The following TLE2 variants were observed in gnomAD, a reference collection of about 807,000 sequenced individuals.
TLE2 encodes TLE family member 2, transcriptional corepressor.
In TLE2, 74 loss-of-function variants were observed where a neutral mutation model predicts 97.2. The ratio of observed to expected loss-of-function variants is 0.76; its 90% CI spans 0.63 to 0.92. TLE2 has a LOEUF of 0.92. Ranked by LOEUF, TLE2 falls within the 40% of genes least tolerant of loss-of-function variation. The pLI, the probability that TLE2 is intolerant of heterozygous loss-of-function variation, is 0.00. For synonymous variants in TLE2, 499 were observed against 432.1 expected (o/e 1.15, Z -1.92); for missense variants, 1,038 against 1,008.7 (o/e 1.03, Z -0.39).
intron 3 of TLE2, 86 bp downstream of exon 3, chr19:3,028,233 G>A: frequency 7.4e-7 from 1 of 1,344,454 alleles, no homozygotes; most frequent in South Asian, 1.2e-5. Flanking sequence ...GAGGTTCGGA[G>A]TGGGGCAGGG....
chr19:3,008,575 C>G (rs1015644506), intron 14 of TLE2, among the ~76,000 whole-genome samples: 4 of 152,184 alleles, frequency 2.6e-5, no homozygotes, highest in Non-Finnish European at 5.9e-5. Context: ...CTCAGCCTCC[C>G]GAGTAGCTGG....
Position 3,013,764 on chromosome 19 carries a change from T to G in TLE2, c.778A>C (p.Ile260Leu). 6.4e-7 allele frequency: 1 copy of G among 1,561,950 alleles called. No homozygotes were observed. Among genetic ancestry groups the G allele is most frequent in the East Asian group, 2.5e-5 (1 of 39,226 alleles). ...AGGTCCCGACGGGCAGGAATGCAGA[T>G]GGGTACCTTTCCGCAGGGGGTGGTA... Reference protein sequence around the residue: ...PATTPCGKVPICIPARRDLVD... With the variant: ...PATTPCGKVPLCIPARRDLVD... Residue 260 changes from isoleucine (I) to leucine (L), a missense_variant, in exon 11 of 20, where the codon ATC (isoleucine) becomes CTC (leucine). Coordinates refer to ENST00000262953, the MANE Select transcript of TLE2 (RefSeq NM_003260.5).
Position 3,002,246 on chromosome 19 carries a change from A to G in TLE2, c.2047+107T>C, listed in dbSNP as rs542892005. 45 of 1,328,968 alleles carry G rather than the reference A, an allele frequency of 3.4e-5. No individual in the cohort carries two copies. In the African/African-American group the frequency reaches 6.1e-4, roughly 18 times the overall value. The allele number at this position is 1,328,968 out of a possible 1,614,324, so 82.3% of individuals were successfully genotyped here. A position where few individuals can be genotyped will look rare whatever the true frequency, so the allele number is the denominator to read the frequency against. On this transcript the variant is annotated intron_variant, in intron 18 of 19. Coordinates refer to ENST00000262953, the MANE Select transcript of TLE2 (RefSeq NM_003260.5). The stretch of plus-strand genomic sequence containing the variant: ...ATTTGCTTTTGAGTATATAAAACTT[A>G]GTATATAAATAACATTATTTGTTAT...
At chr19:2,998,243 GT>G (rs377111918) in intron 19 of TLE2, among the ~76,000 whole-genome samples, 3 of 77,576 alleles carry the variant, frequency 3.9e-5, no homozygotes, top group Admixed American at 1.5e-4. Flanking sequence ...GCCAATGTGT[GT>G]GTGTGTGTGT....
intron 5 of TLE2, among the ~76,000 whole-genome samples, chr19:3,023,331 C>T (rs572171680): frequency 3.9e-5 from 6 of 152,252 alleles, no homozygotes; most frequent in African/African-American, 1.2e-4. Flanking sequence ...CCACTGGGCT[C>T]GGCCTACCTA....
chr19:2,999,726 CA>C (rs199521660), intron 19 of TLE2, among the ~76,000 whole-genome samples: 43 of 112,766 alleles, frequency 3.8e-4, no homozygotes, highest in Non-Finnish European at 2.8e-4. Context: ...GACTCCATCT[CA>C]AAAAAAAAAA....
chr19:3,028,982 T>G lies in TLE2; in HGVS notation c.-78A>C. On this transcript the variant is annotated 5_prime_UTR_variant, in exon 1 of 20. Coordinates refer to ENST00000262953, the MANE Select transcript of TLE2 (RefSeq NM_003260.5). ...GCGGCAAGAGTGGGGGAGGCTGAAGTGGGGTGGTGGGGAGGCTGCCCGAAG... is the reference window on the plus strand; with the variant it reads ...GCGGCAAGAGTGGGGGAGGCTGAAGGGGGGTGGTGGGGAGGCTGCCCGAAG... The G allele has an allele frequency of 1.9e-6, 3 of 1,558,344 alleles. No homozygotes were observed. Among genetic ancestry groups the G allele is most frequent in the Non-Finnish European group, 2.6e-6 (3 of 1,153,602 alleles).
At chr19:3,025,201 G>C in intron 4 of TLE2, 119 bp from the exon 5 acceptor site, 1 of 1,137,056 alleles carries the variant, frequency 8.8e-7, no homozygotes, top group South Asian at 1.7e-5. Flanking sequence ...ACGCCCGCAG[G>C]TGCACAGAGG....
chr19:3,041,861 A>G lies in TLE2; in HGVS notation c.63+3865T>C, dbSNP rs558344314. Among the ~76,000 whole-genome samples, 11 of 152,270 alleles carry G rather than the reference A, an allele frequency of 7.2e-5. No individual in the cohort carries two copies. In the South Asian group the frequency reaches 1.7e-3, roughly 23 times the overall value. ...GGGGCAGCCAGGCCCAGAGAGGCCT[A>G]GGGACCTGCCCACGGTCACACAGCC... is the stretch of plus-strand genomic sequence containing the variant. On this transcript the variant is annotated intron_variant, in intron 1 of 18. Transcript: ENST00000426948.
At chr19:3,002,776 G>A (rs1017001090) in intron 17 of TLE2, among the ~76,000 whole-genome samples, 2 of 151,826 alleles carry the variant, frequency 1.3e-5, no homozygotes, top group African/African-American at 4.8e-5. Context: ...TCAGCTCACT[G>A]CAGCCTCTGC....
At chr19:3,034,226 C>T (rs968615470), upstream of TLE2, among the ~76,000 whole-genome samples, 3 of 151,982 alleles carry the variant, frequency 2.0e-5, no homozygotes, top group Non-Finnish European at 4.4e-5. Context: ...CCCCAGCAGC[C>T]CCCACCCTGA....
intron 17 of TLE2, among the ~76,000 whole-genome samples, chr19:3,004,687 A>C (rs937138009): frequency 6.6e-6 from 1 of 151,698 alleles, no homozygotes; most frequent in Non-Finnish European, 1.5e-5. Flanking sequence ...GAGGAGGGGC[A>C]AATGAGATGG....
Position 3,024,438 on chromosome 19 carries a change from A to G in TLE2, c.294+582T>C, listed in dbSNP as rs539556941. Among the ~76,000 whole-genome samples, 247 of 151,882 alleles carry G rather than the reference A, an allele frequency of 1.6e-3. 1 individual carries two copies. The highest frequency in any genetic ancestry group is 5.7e-3 in the African/African-American group (235 of 41,412). Reference sequence around the variant, plus strand: ...CCCAAACTGAATTTCTGTCCCCATAAAACTCTCACTCCCCGTCCCCTCCCC... The same window carrying G: ...CCCAAACTGAATTTCTGTCCCCATAGAACTCTCACTCCCCGTCCCCTCCCC... On this transcript the variant is annotated intron_variant, in intron 5 of 19. Coordinates refer to ENST00000262953, the MANE Select transcript of TLE2 (RefSeq NM_003260.5).
At chr19:3,018,869 C>T (rs1439166757) in intron 7 of TLE2, among the ~76,000 whole-genome samples, 2 of 152,094 alleles carry the variant, frequency 1.3e-5, no homozygotes, top group Non-Finnish European at 2.9e-5. Flanking sequence ...CCAGCCACCT[C>T]GGCCTCCCAA....
rs1245949611 is a variant in TLE2 at position 3,028,306 on chromosome 19, T to C, written c.186+13A>G. The C allele has an allele frequency of 1.9e-6, 3 of 1,604,404 alleles. No individual in the cohort carries two copies. In the African/African-American group the frequency reaches 4.0e-5, roughly 21 times the overall value. On this transcript the variant is annotated intron_variant, in intron 3 of 19. Transcript: ENST00000262953. ...CGCCTCTCCCCTCACCCTGGCATCATAAGTGCCCTCACCATGACATAATGT... is the reference window on the plus strand; with the variant it reads ...CGCCTCTCCCCTCACCCTGGCATCACAAGTGCCCTCACCATGACATAATGT...
rs185812674 is a variant in TLE2, at chr19:3,034,542, A to C, written c.64-5739T>G. Among the ~76,000 whole-genome samples, 1,404 of 150,168 alleles carry C rather than the reference A, an allele frequency of 9.3e-3. 19 individuals carry two copies. Among genetic ancestry groups the C allele is most frequent in the South Asian group, 0.053 (250 of 4,748 alleles). ...ACCTCTGAGCCTTTCCCTGCTTGTTATCTCTTCCTGGAATTCCCTCCCCCT... is the reference window on the plus strand; with the variant it reads ...ACCTCTGAGCCTTTCCCTGCTTGTTCTCTCTTCCTGGAATTCCCTCCCCCT... On this transcript the variant is annotated intron_variant, in intron 1 of 18. Coordinates refer to the TLE2 transcript ENST00000426948.
intron 11 of TLE2, among the ~76,000 whole-genome samples, chr19:3,011,419 C>G (rs2089593560): frequency 6.6e-6 from 1 of 151,334 alleles, no homozygotes; most frequent in Non-Finnish European, 1.5e-5. Flanking sequence ...GTGATCCCAG[C>G]TACTTGGGAG....
At chr19:3,006,253 T>G in intron 15 of TLE2, 167 bp downstream of exon 15, 2 of 1,219,108 alleles carry the variant, frequency 1.6e-6, no homozygotes, top group Non-Finnish European at 2.4e-6. Flanking sequence ...CCCACCCCTT[T>G]GGCCTGCAAG....
chr19:3,023,054 A>ATAT, intron 5 of TLE2, among the ~76,000 whole-genome samples: 1 of 140,796 alleles, frequency 7.1e-6, no homozygotes, highest in Middle Eastern at 3.5e-3. Context: ...ATTTTACCTA[A>ATAT]TCTTTTTTTT....
Sources: allele counts gnomAD v4.1 joint callset (sites outside exome capture counted in the v4.1 genomes callset), GRCh38; gene constraint gnomAD v4.1.1; transcripts MANE v1.5; gene names NCBI Gene and HGNC (gene_info 2026-07-23, HGNC 2026-07-21).